The following CHKA variants were observed in gnomAD, a reference collection of about 807,000 sequenced individuals.
CHKA encodes choline kinase alpha.
A neutral mutation model predicts 60.1 loss-of-function variants in CHKA; 34 were observed. That is an observed-to-expected ratio of 0.57 (90% CI 0.43 to 0.75). The LOEUF (loss-of-function observed/expected upper bound fraction) is 0.75. Ranked by LOEUF, CHKA falls within the 30% of genes least tolerant of loss-of-function variation. The probability of loss-of-function intolerance (pLI) is 0.00; values close to 1 mark genes in which losing one functional copy is unlikely to be tolerated. For missense variants in CHKA, 563 were observed against 561.3 expected (o/e 1.00, Z -0.03); for synonymous variants, 217 against 223.1 (o/e 0.97, Z 0.24).
At chr11:68,084,261 A>C (rs1359743177) in intron 2 of CHKA, among the ~76,000 whole-genome samples, 1 of 148,138 alleles carries the variant, frequency 6.8e-6, no homozygotes, top group East Asian at 2.0e-4. Flanking sequence ...AAAAAAAAAA[A>C]ATACATATAT....
intron 1 of CHKA, among the ~76,000 whole-genome samples, chr11:68,100,515 G>A (rs1296792481): frequency 3.9e-5 from 6 of 151,938 alleles, no homozygotes; most frequent in African/African-American, 7.3e-5. Context: ...ACTTGAACCC[G>A]AGAGGCAGAG....
At chr11:68,080,975 G>C (rs1856968517) in intron 3 of CHKA, among the ~76,000 whole-genome samples, 1 of 152,212 alleles carries the variant, frequency 6.6e-6, no homozygotes, top group Non-Finnish European at 1.5e-5. Flanking sequence ...AAACATTGCT[G>C]TTAGCCCATG....
intron 11 of CHKA, among the ~76,000 whole-genome samples, chr11:68,054,474 G>A (rs1407653027): frequency 2.0e-5 from 3 of 152,168 alleles, no homozygotes; most frequent in African/African-American, 4.8e-5. Context: ...GATGCCCATC[G>A]CCTATTTCCC....
intron 1 of CHKA, among the ~76,000 whole-genome samples, chr11:68,118,299 G>A (rs1304509371): frequency 6.6e-6 from 1 of 152,146 alleles, no homozygotes; most frequent in Non-Finnish European, 1.5e-5. Flanking sequence ...AAATTAGCCA[G>A]TAATGGTGGT....
chr11:68,105,534 A>G lies in CHKA; in HGVS notation c.351-8404T>C, dbSNP rs1857883374. On this transcript the variant is annotated intron_variant, in intron 1 of 11. Coordinates refer to ENST00000265689, the MANE Select transcript of CHKA (RefSeq NM_001277.3). The stretch of plus-strand genomic sequence containing the variant: ...CATCTCAAAAAAAAAAAAAAAAAAA[A>G]AAAAAAGAAAAGAAAAAGAAAGAAA... 2.7e-5 allele frequency among the ~76,000 whole-genome samples: 4 copies of G among 150,312 alleles called. 1 individual carries two copies. The South Asian group carries it at 8.3e-4, about 31-fold the overall frequency.
chr11:68,053,966 G>A lies in CHKA; in HGVS notation c.*22C>T. The A allele has an allele frequency of 3.1e-6, 5 of 1,609,916 alleles. No individual in the cohort carries two copies. The highest frequency in any genetic ancestry group is 1.7e-4 in the Middle Eastern group (1 of 6,056). ...CCTCCCCATGCAGTCCAGTGATGAG[G>A]TGGATGGAGTCCTCCCCACAGTCAC... On this transcript the variant is annotated 3_prime_UTR_variant, in exon 12 of 12. Transcript: ENST00000265689.
intron 1 of CHKA, among the ~76,000 whole-genome samples, chr11:68,104,861 T>C (rs1455853194): frequency 6.6e-6 from 1 of 151,782 alleles, no homozygotes; most frequent in Non-Finnish European, 1.5e-5. Context: ...TCCCAGCACT[T>C]TGGGAGGCAA....
chr11:68,054,162 A>G, intron 11 of CHKA, 115 bp from the exon 12 acceptor site: 1 of 848,222 alleles, frequency 1.2e-6, no homozygotes, highest in Non-Finnish European at 1.9e-6. Flanking sequence ...CCATGAGACC[A>G]AAAGCACAGG....
At chr11:68,078,126 A>C (rs1298651470) in intron 3 of CHKA, among the ~76,000 whole-genome samples, 1 of 152,182 alleles carries the variant, frequency 6.6e-6, no homozygotes, top group Admixed American at 6.5e-5. Flanking sequence ...ACAGTAAGAA[A>C]GCTTTCTACA....
intron 1 of CHKA, among the ~76,000 whole-genome samples, chr11:68,116,623 A>AAG (rs1858392581): frequency 1.3e-5 from 2 of 152,080 alleles, no homozygotes; most frequent in Non-Finnish European, 2.9e-5. Flanking sequence ...AGGCCGAGGC[A>AAG]GGAGAATCGC....
At chr11:68,100,521 C>G (rs949743718) in intron 1 of CHKA, among the ~76,000 whole-genome samples, 2 of 151,882 alleles carry the variant, frequency 1.3e-5, no homozygotes, top group Non-Finnish European at 2.9e-5. Context: ...ACCCGAGAGG[C>G]AGAGATTGCA....
At chr11:68,078,701 C>T (rs893910347) in intron 3 of CHKA, among the ~76,000 whole-genome samples, 1 of 152,100 alleles carries the variant, frequency 6.6e-6, no homozygotes, top group African/African-American at 2.4e-5. Context: ...TGTGAGAAAA[C>T]ACTAGACAAG....
At chr11:68,106,861 A>T (rs1857933317) in intron 1 of CHKA, among the ~76,000 whole-genome samples, 1 of 152,166 alleles carries the variant, frequency 6.6e-6, no homozygotes, top group Non-Finnish European at 1.5e-5. Context: ...TTCTTTGCTG[A>T]GGGGCAAAGC....
chr11:68,120,062 C>G (rs1858558985), intron 1 of CHKA, among the ~76,000 whole-genome samples: 1 of 151,968 alleles, frequency 6.6e-6, no homozygotes, highest in East Asian at 1.9e-4. Flanking sequence ...AACCTTGTCT[C>G]TACTAAAAAT....
intron 9 of CHKA, among the ~76,000 whole-genome samples, chr11:68,065,530 T>C (rs1055186874): frequency 2.6e-5 from 4 of 152,054 alleles, no homozygotes; most frequent in Admixed American, 2.6e-4. Context: ...TGAAATCCCA[T>C]CTCTACAAAA....
At position 68,100,593 on chromosome 11, in the gene CHKA, A is replaced by G. The variant is rs953418297; in HGVS notation, c.351-3463T>C. Among the ~76,000 whole-genome samples the G allele has an allele frequency of 1.7e-3, 143 of 84,086 alleles. 2 individuals carry two copies. Among genetic ancestry groups the G allele is most frequent in the African/African-American group, 6.2e-3 (138 of 22,238 alleles). The allele number at this position is 84,086 out of a possible 152,430, so 55.2% of individuals were successfully genotyped here. A position where few individuals can be genotyped will look rare whatever the true frequency, so the allele number is the denominator to read the frequency against. Reference sequence around the variant, plus strand: ...GGACAAGAACGAAACATCATCTCCAATAAATAAATACATAAATAAATAAAT... The same window carrying G: ...GGACAAGAACGAAACATCATCTCCAGTAAATAAATACATAAATAAATAAAT... On this transcript the variant is annotated intron_variant, in intron 1 of 11. Coordinates refer to ENST00000265689, the MANE Select transcript of CHKA (RefSeq NM_001277.3).
intron 2 of CHKA, among the ~76,000 whole-genome samples, chr11:68,095,933 G>A (rs10791956): frequency 0.58 from 86,413 of 148,534 alleles, 24,943 homozygotes; most frequent in Middle Eastern, 0.73. Context: ...CCAGCTACTC[G>A]GAAAGCTGAG....
At chr11:68,074,388 T>TA (rs887998163) in intron 4 of CHKA, among the ~76,000 whole-genome samples, 5 of 152,110 alleles carry the variant, frequency 3.3e-5, no homozygotes, top group Admixed American at 1.3e-4. Context: ...CAAGGTGTTC[T>TA]AGCAGCAAGT....
chr11:68,078,071 A>G (rs550428794), intron 3 of CHKA, among the ~76,000 whole-genome samples: 3 of 152,152 alleles, frequency 2.0e-5, no homozygotes, highest in Non-Finnish European at 2.9e-5. Context: ...GAAGAGGAGG[A>G]ACCAGCACAG....
Sources: gnomAD v4.1 joint callset for allele counts (sites outside exome capture counted in the v4.1 genomes callset) on GRCh38, gnomAD v4.1.1 for gene constraint, MANE v1.5 for transcripts, NCBI Gene and HGNC (gene_info 2026-07-23, HGNC 2026-07-21) for gene names.